The following DAB1 variants were observed in gnomAD, a reference collection of about 807,000 sequenced individuals.
The protein encoded by DAB1 is DAB adaptor protein 1.
In DAB1, 15 loss-of-function variants were observed where a neutral mutation model predicts 64.6. That is an observed-to-expected ratio of 0.23 (90% CI 0.16 to 0.36). DAB1 has a LOEUF of 0.36. DAB1 is among the 10% of genes least tolerant of loss of function. The probability of loss-of-function intolerance (pLI) is 1.00; values close to 1 mark genes in which losing one functional copy is unlikely to be tolerated. For missense variants in DAB1, 596 were observed against 706.7 expected, an observed-to-expected ratio of 0.84 and a Z score of 1.78; for synonymous variants, 235 against 251.9, an observed-to-expected ratio of 0.93 and a Z score of 0.64.
chr1:57,506,292 G>A (rs1644342763), intron 7 of DAB1, among the ~76,000 whole-genome samples: 1 of 151,196 alleles, frequency 6.6e-6, no homozygotes, highest in Non-Finnish European at 1.5e-5. Flanking sequence ...GGTTTTTTAA[G>A]TATTTAAAAA....
intron 5 of DAB1, among the ~76,000 whole-genome samples, chr1:58,024,299 T>A (rs1646856425): frequency 6.6e-6 from 1 of 152,028 alleles, no homozygotes. Flanking sequence ...CAAAAGAAGC[T>A]CGGGGTTTGA....
chr1:57,469,188 C>A (rs1687057408), intron 7 of DAB1, among the ~76,000 whole-genome samples: 1 of 152,206 alleles, frequency 6.6e-6, no homozygotes, highest in African/African-American at 2.4e-5. Context: ...GAGCATGTAT[C>A]TGTTTCCTCG....
intron 5 of DAB1, chr1:58,074,564 GTATATATATATATATATATATA>G (rs375821412): frequency 2.2e-5 from 2 of 91,632 alleles, no homozygotes; most frequent in Admixed American, 1.3e-4. Flanking sequence ...ATATATGTGT[GTATATATATATATATATATATA>G]TATATATATT....
chr1:57,589,612 C>T (rs1325562021), intron 7 of DAB1, among the ~76,000 whole-genome samples: 1 of 151,886 alleles, frequency 6.6e-6, no homozygotes, highest in Non-Finnish European at 1.5e-5. Flanking sequence ...CAGAAATTAG[C>T]CAGGTGTGGT....
At chr1:58,501,336 A>G (rs1645903995) in intron 3 of DAB1, among the ~76,000 whole-genome samples, 1 of 152,228 alleles carries the variant, frequency 6.6e-6, no homozygotes, top group South Asian at 2.1e-4. Flanking sequence ...TATTATGCTA[A>G]AATGATCCAA....
chr1:57,088,989 G>T (rs974992989), intron 4 of DAB1, among the ~76,000 whole-genome samples: 4 of 152,226 alleles, frequency 2.6e-5, no homozygotes, highest in African/African-American at 9.7e-5. Context: ...AGACCCTGGA[G>T]CCAGAGGTCA....
chr1:58,097,852 C>T (rs1241320703), intron 5 of DAB1, among the ~76,000 whole-genome samples: 1 of 152,116 alleles, frequency 6.6e-6, no homozygotes, highest in Non-Finnish European at 1.5e-5. Flanking sequence ...AATAGAAAAA[C>T]AGCTTGAAAG....
At chr1:57,550,039 ATGCAGAGATATGTATAGCTTGACAGGCT>A (rs1228440731) in intron 7 of DAB1, among the ~76,000 whole-genome samples, 1 of 152,194 alleles carries the variant, frequency 6.6e-6, no homozygotes, top group African/African-American at 2.4e-5. Context: ...TATGATATGG[ATGCAGAGATATGTATAGCTTGACAGGCT>A]TTGGAACAAT....
rs193253620 is a variant in DAB1, at chr1:58,305,056, T to C, written n.309+38296A>G. Among the ~76,000 whole-genome samples the C allele has an allele frequency of 2.2e-3, 341 of 152,160 alleles. 4 individuals carry two copies. Among genetic ancestry groups the C allele is most frequent in the Admixed American group, 5.1e-3 (78 of 15,278 alleles). On this transcript the variant is annotated intron_variant and non_coding_transcript_variant, in intron 4 of 20. Transcript: ENST00000485760. Reference sequence around the variant, plus strand: ...GTGCATTGGCTATTCACAAGTGCAATCATAGCACACTACAGTCTTGAACTC... The same window carrying C: ...GTGCATTGGCTATTCACAAGTGCAACCATAGCACACTACAGTCTTGAACTC...
At chr1:57,383,089 G>C (rs1201459576) in intron 1 of DAB1, among the ~76,000 whole-genome samples, 1 of 152,090 alleles carries the variant, frequency 6.6e-6, no homozygotes, top group Non-Finnish European at 1.5e-5. Flanking sequence ...CAGGGCTTGG[G>C]GGTTGGACTG....
Position 57,330,198 on chromosome 1 carries a change from C to T in DAB1, c.-136-39032G>A, listed in dbSNP as rs144027601. Among the ~76,000 whole-genome samples, 605 of 152,308 alleles carry T rather than the reference C, an allele frequency of 4.0e-3. 3 individuals are homozygous for T. Among genetic ancestry groups the T allele is most frequent in the Middle Eastern group, 0.024 (7 of 294 alleles). ...GCCTGTCTGAGAAGGAATTGACAAGCTACTGGAGATTTACTGTGGTAGTAA... is the reference window on the plus strand; with the variant it reads ...GCCTGTCTGAGAAGGAATTGACAAGTTACTGGAGATTTACTGTGGTAGTAA... On this transcript the variant is annotated intron_variant, in intron 1 of 14. Transcript: ENST00000371236.
At chr1:58,392,272 C>A (rs1644481938) in intron 3 of DAB1, among the ~76,000 whole-genome samples, 1 of 152,220 alleles carries the variant, frequency 6.6e-6, no homozygotes, top group South Asian at 2.1e-4. Context: ...TACCTCTCAC[C>A]ACGTTTAACC....
intron 4 of DAB1, among the ~76,000 whole-genome samples, chr1:58,242,206 G>T (rs767495273): frequency 6.6e-6 from 1 of 151,956 alleles, no homozygotes. Flanking sequence ...TTTCCATAGC[G>T]TTTTAAGTGA....
rs141022477 is a variant in DAB1, at chr1:57,971,410, CA to C, written n.388-87249del. Among the ~76,000 whole-genome samples the C allele has an allele frequency of 8.7e-3, 1,327 of 152,286 alleles. 16 individuals carry two copies. The highest frequency in any genetic ancestry group is 0.03 in the African/African-American group (1,258 of 41,560). ...TTTCATGACTATCCTTTGACAGTAA[CA>C]ACTAGCTAGGTCTAGAGTTCTGAAA... On this transcript the variant is annotated intron_variant and non_coding_transcript_variant, in intron 5 of 20. Coordinates refer to the DAB1 transcript ENST00000485760.
intron 6 of DAB1, among the ~76,000 whole-genome samples, chr1:57,786,250 A>G (rs1052948299): frequency 1.3e-5 from 2 of 151,956 alleles, no homozygotes; most frequent in Non-Finnish European, 2.9e-5. Context: ...AAAATTCATG[A>G]CTCTCTTTAC....
chr1:57,385,859 T>A (rs1681769355), intron 1 of DAB1, among the ~76,000 whole-genome samples: 1 of 152,206 alleles, frequency 6.6e-6, no homozygotes, highest in African/African-American at 2.4e-5. Context: ...TCATTTTGCT[T>A]ACAAAGGAAT....
At chr1:58,394,455 G>T (rs772989870) in intron 3 of DAB1, among the ~76,000 whole-genome samples, 1 of 152,134 alleles carries the variant, frequency 6.6e-6, no homozygotes, top group South Asian at 2.1e-4. Context: ...CCAAAAAGTG[G>T]AAACAATCCA....
At chr1:58,064,584 G>A (rs939272984) in intron 5 of DAB1, among the ~76,000 whole-genome samples, 1 of 152,218 alleles carries the variant, frequency 6.6e-6, no homozygotes, top group Non-Finnish European at 1.5e-5. Context: ...AGTCTACTCA[G>A]TGCGGTGCCT....
At chr1:57,439,242 T>G (rs1429115694) in intron 7 of DAB1, among the ~76,000 whole-genome samples, 1 of 151,904 alleles carries the variant, frequency 6.6e-6, no homozygotes, top group Non-Finnish European at 1.5e-5. Flanking sequence ...CCCAAGGAGA[T>G]CAACACAGAG....
Sources: allele counts gnomAD v4.1 joint callset (sites outside exome capture counted in the v4.1 genomes callset), GRCh38; gene constraint gnomAD v4.1.1; transcripts MANE v1.5; gene names NCBI Gene and HGNC (gene_info 2026-07-23, HGNC 2026-07-21).